The following MON2 variants were observed in gnomAD, a reference collection of about 807,000 sequenced individuals.
MON2 encodes the protein protein MON2 homolog.
In MON2, 84 loss-of-function variants were observed where a neutral mutation model predicts 208.6. The observed-to-expected ratio is 0.40, with a 90% CI of 0.34 to 0.48. The LOEUF (loss-of-function observed/expected upper bound fraction) is 0.48. Among genes scored for constraint, MON2 ranks in the 20% least tolerant of loss-of-function variants. The pLI, the probability that MON2 is intolerant of heterozygous loss-of-function variation, is 0.59. For missense variants in MON2, 1,611 were observed against 2,015.4 expected, an observed-to-expected ratio of 0.80 and a Z score of 3.84; for synonymous variants, 660 against 694.0, an observed-to-expected ratio of 0.95 and a Z score of 0.77.
intron 32 of MON2, among the ~76,000 whole-genome samples, chr12:62,584,439 C>CA (rs2075122175): frequency 6.6e-6 from 1 of 152,138 alleles, no homozygotes; most frequent in South Asian, 2.1e-4. Context: ...TGCCATGGCT[C>CA]ACGCCTGTAA....
intron 30 of MON2, among the ~76,000 whole-genome samples, chr12:62,571,955 C>T (rs1171694324): frequency 6.6e-6 from 1 of 152,170 alleles, no homozygotes; most frequent in Non-Finnish European, 1.5e-5. Context: ...GGATGAGTGG[C>T]AATATAATGA....
At chr12:62,502,407 T>TAAA (rs549207731) in intron 7 of MON2, among the ~76,000 whole-genome samples, 1 of 135,392 alleles carries the variant, frequency 7.4e-6, no homozygotes. Flanking sequence ...TTTCTTAAAT[T>TAAA]AAAAAAAAAA....
rs567732422 is a variant in MON2 at position 62,594,336 on chromosome 12, G to A, written c.*1587G>A. On this transcript the variant is annotated 3_prime_UTR_variant, in exon 35 of 35. Coordinates refer to ENST00000393630, the MANE Select transcript of MON2 (RefSeq NM_015026.3). ...TATAATTATTTAATTTGCATTATCT[G>A]TAAAATGTAGTAAGGTCTTTGAGGG... 1.3e-5 allele frequency: 2 copies of A among 152,224 alleles called. No homozygotes were observed. The highest frequency in any genetic ancestry group is 2.9e-5 in the Non-Finnish European group (2 of 67,968). 9.4% of individuals were successfully genotyped at this position (152,224 alleles called of 1,614,324 possible).
At chr12:62,527,404 A>T (rs2072389501) in intron 11 of MON2, among the ~76,000 whole-genome samples, 1 of 152,202 alleles carries the variant, frequency 6.6e-6, no homozygotes, top group East Asian at 1.9e-4. Context: ...GTCATAGAAG[A>T]CTGAAATATT....
Position 62,538,402 on chromosome 12 carries a change from A to G in MON2, c.2274-13A>G, listed in dbSNP as rs1249183559. On this transcript the variant is annotated splice_polypyrimidine_tract_variant and intron_variant, in intron 18 of 34. Transcript: ENST00000393630. ...TTAGATCAAGATGTCTTATTTCTTC[A>G]TTTCCTTTTTAGGTATCTTGATGAT... is the stretch of plus-strand genomic sequence containing the variant. 7 of 1,602,366 alleles carry G rather than the reference A, an allele frequency of 4.4e-6. No individual in the cohort carries two copies. The highest frequency in any genetic ancestry group is 6.0e-6 in the Non-Finnish European group (7 of 1,170,220).
intron 1 of MON2, among the ~76,000 whole-genome samples, chr12:62,470,933 G>A (rs994620092): frequency 4.6e-5 from 7 of 152,168 alleles, no homozygotes; most frequent in African/African-American, 1.7e-4. Context: ...AGCAAAGAGA[G>A]CAAAGTTTAA....
intron 2 of MON2, among the ~76,000 whole-genome samples, chr12:62,489,135 G>A (rs1428676110): frequency 6.6e-6 from 1 of 152,018 alleles, no homozygotes; most frequent in African/African-American, 2.4e-5. Context: ...CTATAAGTGG[G>A]ATTATAAAGT....
intron 25 of MON2, among the ~76,000 whole-genome samples, chr12:62,559,266 G>GA (rs1167422845): frequency 6.6e-6 from 1 of 152,116 alleles, no homozygotes; most frequent in African/African-American, 2.4e-5. Context: ...TACTGCTTTG[G>GA]AAAATATCAA....
intron 32 of MON2, among the ~76,000 whole-genome samples, chr12:62,581,260 C>T (rs996182753): frequency 2.6e-5 from 4 of 152,196 alleles, no homozygotes; most frequent in Non-Finnish European, 2.9e-5. Flanking sequence ...TGGCATCAGC[C>T]AGGTGCAGTG....
At chr12:62,558,272 C>G (rs918266566) in intron 25 of MON2, among the ~76,000 whole-genome samples, 1 of 151,716 alleles carries the variant, frequency 6.6e-6, no homozygotes, top group Non-Finnish European at 1.5e-5. Flanking sequence ...GCCATCACGC[C>G]CAGCCTAGAT....
At chr12:62,484,672 G>A (rs2069657027) in intron 2 of MON2, 1 of 152,506 alleles carries the variant, frequency 6.6e-6, no homozygotes, top group South Asian at 2.1e-4. Flanking sequence ...GTATTTAGTT[G>A]TACCGTATGA....
intron 24 of MON2, 45 bp from the exon 25 acceptor site, chr12:62,555,949 C>G (rs1403912657): frequency 7.2e-7 from 1 of 1,387,050 alleles, no homozygotes; most frequent in Admixed American, 1.9e-5. Flanking sequence ...ATTACTTAAG[C>G]TATATTATCA....
chr12:62,589,744 TAAAAAAAA>T (rs5798649), intron 34 of MON2, among the ~76,000 whole-genome samples: 1 of 113,640 alleles, frequency 8.8e-6, no homozygotes, highest in Non-Finnish European at 1.8e-5. Flanking sequence ...ACCCCATCTT[TAAAAAAAA>T]AAAAAAAAAA....
At chr12:62,508,607 TGTAGTCTAG>T in intron 8 of MON2, 127 bp downstream of exon 8, 1 of 726,190 alleles carries the variant, frequency 1.4e-6, no homozygotes, top group Non-Finnish European at 2.4e-6. Context: ...AGTACCTACG[TGTAGTCTAG>T]GTACTCTAAA....
chr12:62,520,735 G>A (rs1056950991), intron 8 of MON2, among the ~76,000 whole-genome samples: 4 of 151,502 alleles, frequency 2.6e-5, no homozygotes, highest in Non-Finnish European at 5.9e-5. Context: ...GACCAACCTG[G>A]CCAACCTGGT....
rs1565714551 is a variant in MON2, at chr12:62,585,097, ACACACACACAC to A, written c.4700-196_4700-186del. ...CACACACACACACACACACACACAC[ACACACACACAC>A]ACAAAACAAAAAAAAACAAAAAAAA... On this transcript the variant is annotated intron_variant, in intron 32 of 34. Coordinates refer to ENST00000393630, the MANE Select transcript of MON2 (RefSeq NM_015026.3). Among the ~76,000 whole-genome samples, 8 of 107,784 alleles carry A rather than the reference ACACACACACAC, an allele frequency of 7.4e-5. 1 individual carries two copies. Among genetic ancestry groups the A allele is most frequent in the African/African-American group, 3.1e-4 (8 of 25,454 alleles). 70.7% of individuals were successfully genotyped at this position (107,784 alleles called of 152,430 possible). A position where few individuals can be genotyped will look rare whatever the true frequency, so the allele number is the denominator to read the frequency against.
chr12:62,581,869 C>G (rs1328802247), intron 32 of MON2, among the ~76,000 whole-genome samples: 1 of 152,138 alleles, frequency 6.6e-6, no homozygotes, highest in Non-Finnish European at 1.5e-5. Context: ...TTGTGCCATG[C>G]AGATCCTTAA....
At chr12:62,534,540 A>T (rs1320730767) in intron 12 of MON2, among the ~76,000 whole-genome samples, 832 of 22,766 alleles carry the variant, frequency 0.037, 22 homozygotes, top group African/African-American at 0.09. Flanking sequence ...AAAAAAAAAA[A>T]AAATATATAT....
Position 62,599,004 on chromosome 12 carries a change from T to C in MON2, c.*6255T>C, listed in dbSNP as rs1005987133. 6.6e-6 allele frequency: 1 copy of C among 152,202 alleles called. No homozygotes were observed. Among genetic ancestry groups the C allele is most frequent in the East Asian group, 1.9e-4 (1 of 5,202 alleles). 9.4% of individuals were successfully genotyped at this position (152,202 alleles called of 1,614,324 possible). On this transcript the variant is annotated 3_prime_UTR_variant, in exon 35 of 35. Coordinates refer to ENST00000393630, the MANE Select transcript of MON2 (RefSeq NM_015026.3). ...TCATTTTTTTCTTGAATATACTTTG[T>C]GTTTGCTTTCTCATCCCCGTTAAGT...
Sources: gnomAD v4.1 joint callset for allele counts (sites outside exome capture counted in the v4.1 genomes callset) on GRCh38, gnomAD v4.1.1 for gene constraint, MANE v1.5 for transcripts, NCBI Gene and HGNC (gene_info 2026-07-23, HGNC 2026-07-21) for gene names.